KLRG1: variants seen among roughly 807,000 people sequenced by gnomAD.
KLRG1 encodes the protein killer cell lectin-like receptor subfamily G member 1.
In KLRG1, 16 loss-of-function variants were observed where a neutral mutation model predicts 21.8. That is an observed-to-expected ratio of 0.73 (90% CI 0.50 to 1.11). The LOEUF (loss-of-function observed/expected upper bound fraction) is 1.11, where lower values mean the gene tolerates loss of function less well. KLRG1 is among the 50% of genes most tolerant of loss of function. The pLI is 0.00. For missense variants in KLRG1, 173 were observed against 218.3 expected (o/e 0.79, Z 1.31); for synonymous variants, 69 against 75.9 (o/e 0.91, Z 0.47).
the KLRG1 span, among the ~76,000 whole-genome samples, chr12:9,029,284 C>T: frequency 6.6e-6 from 1 of 152,084 alleles, no homozygotes; most frequent in African/African-American, 2.4e-5. Flanking sequence ...GGTGCAAGCT[C>T]AGCTCACTGC....
At chr12:9,050,013 C>T in the KLRG1 span, among the ~76,000 whole-genome samples, 1 of 152,114 alleles carries the variant, frequency 6.6e-6, no homozygotes, top group Non-Finnish European at 1.5e-5. Flanking sequence ...AATTGTTGAT[C>T]CTGACTTGCC....
At chr12:9,113,329 C>T in the KLRG1 span, 5 of 1,607,142 alleles carry the variant, frequency 3.1e-6, no homozygotes, top group African/African-American at 2.7e-5. Flanking sequence ...CTAAAAGAAC[C>T]AAGTATATTA....
At chr12:9,109,188 CA>C in the KLRG1 span, 1 of 633,978 alleles carries the variant, frequency 1.6e-6, no homozygotes, top group East Asian at 2.7e-5. Flanking sequence ...TAACATTCTA[CA>C]GATGAGGATG....
At chr12:9,029,070 G>T in the KLRG1 span, 1 of 507,408 alleles carries the variant, frequency 2.0e-6, no homozygotes, top group East Asian at 4.0e-5. Flanking sequence ...AGGCTCTTTA[G>T]GAGACTCAGA....
At chr12:9,123,278 T>G in the KLRG1 span, among the ~76,000 whole-genome samples, 2,014 of 152,204 alleles carry the variant, frequency 0.013, 19 homozygotes, top group South Asian at 0.035. Context: ...CATACATACT[T>G]AGGATGAAGT....
chr12:9,077,282 A>C, the KLRG1 span: 3 of 1,412,362 alleles, frequency 2.1e-6, no homozygotes, highest in South Asian at 3.6e-5. Context: ...TATTTCAGAC[A>C]GCAGGTCAGC....
the KLRG1 span, chr12:9,110,252 T>A: frequency 7.5e-7 from 1 of 1,324,706 alleles, no homozygotes; most frequent in Admixed American, 2.4e-5. Context: ...ACCTCTGAAA[T>A]AAGAACATTT....
At chr12:9,192,641 A>G in the KLRG1 span, 6 of 1,613,970 alleles carry the variant, frequency 3.7e-6, no homozygotes, top group Middle Eastern at 4.9e-4. Flanking sequence ...TGTAACTTCC[A>G]CTTAAGGAGA....
the KLRG1 span, among the ~76,000 whole-genome samples, chr12:9,077,187 A>G: frequency 2.0e-5 from 3 of 152,184 alleles, no homozygotes; most frequent in Non-Finnish European, 4.4e-5. Flanking sequence ...AACCTTTCTT[A>G]ATGGGCTGAC....
At chr12:8,987,325 G>A (rs1392868828), upstream of KLRG1, 4 of 152,150 alleles carry the variant, frequency 2.6e-5, no homozygotes, top group Non-Finnish European at 5.9e-5. Context: ...TAGGATTAAT[G>A]TTCTTGTAAG....
chr12:9,044,683 A>T, the KLRG1 span, among the ~76,000 whole-genome samples: 1 of 151,824 alleles, frequency 6.6e-6, no homozygotes, highest in Non-Finnish European at 1.5e-5. Context: ...CAAAAAAAAA[A>T]CCCCAAACAA....
At chr12:9,077,369 G>A in the KLRG1 span, 4 of 1,613,536 alleles carry the variant, frequency 2.5e-6, no homozygotes, top group African/African-American at 4.0e-5. Context: ...GGAATCTCCA[G>A]AAGGGCGATG....
chr12:9,083,334 A>G, the KLRG1 span, among the ~76,000 whole-genome samples: 1 of 152,106 alleles, frequency 6.6e-6, no homozygotes, highest in Non-Finnish European at 1.5e-5. Flanking sequence ...GCACATGTAT[A>G]CATATGTAAT....
At chr12:9,072,303 C>T in the KLRG1 span, 96 of 1,591,480 alleles carry the variant, frequency 6.0e-5, no homozygotes, top group African/African-American at 8.0e-4. Context: ...GAGGAGTTCC[C>T]GAAAGAAGAC....
chr12:9,050,681 C>T, the KLRG1 span, among the ~76,000 whole-genome samples: 2 of 152,204 alleles, frequency 1.3e-5, no homozygotes, highest in East Asian at 3.9e-4. Context: ...GCTGCCCAAT[C>T]CTCAGCTGCA....
the KLRG1 span, chr12:9,169,314 T>A: frequency 2.9e-6 from 3 of 1,046,944 alleles, no homozygotes; most frequent in South Asian, 5.8e-5. Flanking sequence ...CATTTTTGTC[T>A]GCTGAAAAAT....
At chr12:9,077,430 C>T in the KLRG1 span, 14 of 1,608,280 alleles carry the variant, frequency 8.7e-6, no homozygotes, top group South Asian at 3.3e-5. Flanking sequence ...CCTGTGAATA[C>T]GAGAGAGAGA....
chr12:9,020,362 CA>C, the KLRG1 span, among the ~76,000 whole-genome samples: 2 of 152,168 alleles, frequency 1.3e-5, no homozygotes, highest in Admixed American at 1.3e-4. Flanking sequence ...CAATTTCTCA[CA>C]AAAGTTTCCA....
the KLRG1 span, among the ~76,000 whole-genome samples, chr12:9,086,141 T>G: frequency 1.3e-5 from 2 of 152,200 alleles, no homozygotes; most frequent in African/African-American, 4.8e-5. Flanking sequence ...CAAGCTCATT[T>G]TATGAGGCAA....
Sources: gnomAD v4.1 joint callset for allele counts (sites outside exome capture counted in the v4.1 genomes callset) on GRCh38, gnomAD v4.1.1 for gene constraint, MANE v1.5 for transcripts, NCBI Gene and HGNC (gene_info 2026-07-23, HGNC 2026-07-21) for gene names.